Variants in MAP2K6 observed in about 807,000 individuals in gnomAD.
MAP2K6 encodes dual specificity mitogen-activated protein kinase kinase 6.
Under a neutral mutation model 53.7 loss-of-function variants are expected in MAP2K6, and 16 were observed. That is an observed-to-expected ratio of 0.30 (90% CI 0.20 to 0.45). MAP2K6 has a LOEUF of 0.45. Ranked by LOEUF, MAP2K6 falls within the 20% of genes least tolerant of loss-of-function variation. The probability of loss-of-function intolerance (pLI) is 1.00; values close to 1 mark genes in which losing one functional copy is unlikely to be tolerated. For missense variants in MAP2K6, 204 were observed against 411.9 expected, an observed-to-expected ratio of 0.50 and a Z score of 4.37; for synonymous variants, 132 against 143.1, an observed-to-expected ratio of 0.92 and a Z score of 0.55.
At chr17:69,492,203 A>G (rs1908778061) in intron 1 of MAP2K6, among the ~76,000 whole-genome samples, 3 of 152,122 alleles carry the variant, frequency 2.0e-5, no homozygotes, top group Admixed American at 1.3e-4. Context: ...TGCTTTTGGC[A>G]TCTTCATTAT....
intron 6 of MAP2K6, 87 bp from the exon 7 acceptor site, chr17:69,520,962 G>A: frequency 9.4e-7 from 1 of 1,061,566 alleles, no homozygotes; most frequent in Non-Finnish European, 1.4e-6. Context: ...GTAACCTAAA[G>A]CCAAGGATAA....
At chr17:69,454,999 C>T (rs1242481240) in intron 1 of MAP2K6, among the ~76,000 whole-genome samples, 1 of 151,508 alleles carries the variant, frequency 6.6e-6, no homozygotes, top group Non-Finnish European at 1.5e-5. Flanking sequence ...GCTTTCTTTC[C>T]TAAGCAAGAG....
At chr17:69,520,814 C>G (rs958921042) in intron 6 of MAP2K6, 10 of 435,860 alleles carry the variant, frequency 2.3e-5, no homozygotes, top group Non-Finnish European at 4.0e-5. Flanking sequence ...AGAAGGAGGA[C>G]AAATGAACAA....
At chr17:69,511,233 CT>C (rs1489701033) in intron 2 of MAP2K6, among the ~76,000 whole-genome samples, 1 of 152,126 alleles carries the variant, frequency 6.6e-6, no homozygotes, top group Non-Finnish European at 1.5e-5. Flanking sequence ...AAAAGTATCA[CT>C]TCATTATTGT....
intron 1 of MAP2K6, among the ~76,000 whole-genome samples, chr17:69,485,866 C>T (rs1908515172): frequency 6.6e-6 from 1 of 152,184 alleles, no homozygotes; most frequent in African/African-American, 2.4e-5. Flanking sequence ...AATTTCCCAT[C>T]ATTTTTTAAG....
chr17:69,521,124 G>A, intron 7 of MAP2K6, 24 bp downstream of exon 7: 1 of 1,605,344 alleles, frequency 6.2e-7, no homozygotes. Context: ...AGCTGCCTTG[G>A]CTGTTCCTTT....
Position 69,414,947 on chromosome 17 carries a change from CTT to C in MAP2K6, c.-35_-34del. The C allele has an allele frequency of 6.5e-7, 1 of 1,534,026 alleles. No homozygotes were observed. Among genetic ancestry groups the C allele is most frequent in the South Asian group, 1.1e-5 (1 of 89,262 alleles). ...CTACAGAAGAGAAGCAAGGCAAAGT[CTT>C]TTGTGCTCCCCTCCCCCATCAAAGG... On this transcript the variant is annotated 5_prime_UTR_variant, in exon 1 of 12. Coordinates refer to ENST00000590474, the MANE Select transcript of MAP2K6 (RefSeq NM_002758.4).
chr17:69,460,439 T>C (rs1352764855), intron 1 of MAP2K6, among the ~76,000 whole-genome samples: 5 of 152,112 alleles, frequency 3.3e-5, no homozygotes, highest in Non-Finnish European at 5.9e-5. Context: ...GAGATGAGGC[T>C]GGGGCAAGCA....
chr17:69,508,311 C>T (rs1909634946), intron 2 of MAP2K6, among the ~76,000 whole-genome samples: 1 of 151,994 alleles, frequency 6.6e-6, no homozygotes, highest in African/African-American at 2.4e-5. Flanking sequence ...AGATGATCCA[C>T]CTGCCTTGGC....
rs1305049792 is a variant in MAP2K6, at chr17:69,551,604, T to C, written c.*9851T>C. 6.6e-6 allele frequency: 1 copy of C among 152,232 alleles called. No individual in the cohort carries two copies. Among genetic ancestry groups the C allele is most frequent in the African/African-American group, 2.4e-5 (1 of 41,466 alleles). The allele number at this position is 152,232 out of a possible 1,614,324, so 9.4% of individuals were successfully genotyped here. A position where few individuals can be genotyped will look rare whatever the true frequency, so the allele number is the denominator to read the frequency against. On this transcript the variant is annotated 3_prime_UTR_variant, in exon 12 of 12. Coordinates refer to ENST00000590474, the MANE Select transcript of MAP2K6 (RefSeq NM_002758.4). ...CTTGGCCAATCTGCATAAAAGCCACTTGAGGAGGTTTGATTAAGAAAATTG... is the reference window on the plus strand; with the variant it reads ...CTTGGCCAATCTGCATAAAAGCCACCTGAGGAGGTTTGATTAAGAAAATTG...
chr17:69,483,182 C>G (rs894853037), intron 1 of MAP2K6, among the ~76,000 whole-genome samples: 2 of 151,874 alleles, frequency 1.3e-5, no homozygotes, highest in African/African-American at 4.8e-5. Context: ...ACAAACAGAT[C>G]TCTGTTTGTA....
intron 1 of MAP2K6, among the ~76,000 whole-genome samples, chr17:69,449,610 T>TC (rs1491174030): frequency 1.0e-4 from 8 of 80,224 alleles, no homozygotes; most frequent in East Asian, 6.5e-4. Flanking sequence ...TTTCTCTCTC[T>TC]TTTTTTTTTT....
intron 1 of MAP2K6, among the ~76,000 whole-genome samples, chr17:69,427,104 G>A (rs901706490): frequency 2.6e-5 from 4 of 152,088 alleles, no homozygotes; most frequent in African/African-American, 9.7e-5. Context: ...GCTGGGTCAG[G>A]GAATATTTTC....
At chr17:69,444,508 G>A (rs1906912450) in intron 1 of MAP2K6, among the ~76,000 whole-genome samples, 1 of 152,202 alleles carries the variant, frequency 6.6e-6, no homozygotes, top group Admixed American at 6.5e-5. Flanking sequence ...CATATCGAAG[G>A]AAGGGGTCTG....
chr17:69,486,964 T>C (rs900801642), intron 1 of MAP2K6, among the ~76,000 whole-genome samples: 1 of 152,172 alleles, frequency 6.6e-6, no homozygotes, highest in Non-Finnish European at 1.5e-5. Flanking sequence ...GGTGAAAATA[T>C]GTTGGGCAAA....
intron 1 of MAP2K6, among the ~76,000 whole-genome samples, chr17:69,481,944 T>C (rs1908364732): frequency 6.6e-6 from 1 of 152,168 alleles, no homozygotes; most frequent in Non-Finnish European, 1.5e-5. Context: ...TATATGGTAA[T>C]CCTATTTTTA....
rs534583343 is a variant in MAP2K6, at chr17:69,531,469, G to T, written c.882-4646G>T. On this transcript the variant is annotated intron_variant, in intron 10 of 11. Transcript: ENST00000590474. ...GGGAATTGACTTGGTAGCCACTCTT[G>T]TCTGGCCCATCAGTATTGATCACTG... 3.3e-5 allele frequency among the ~76,000 whole-genome samples: 5 copies of T among 152,282 alleles called. No individual in the cohort carries two copies. In the Middle Eastern group the frequency reaches 0.014, roughly 414 times the overall value.
chr17:69,510,054 A>G (rs896333172), intron 2 of MAP2K6, among the ~76,000 whole-genome samples: 1 of 152,084 alleles, frequency 6.6e-6, no homozygotes, highest in Non-Finnish European at 1.5e-5. Context: ...CATGTTGCCC[A>G]GGCTGGTCTT....
At position 69,493,300 on chromosome 17, in the gene MAP2K6, T is replaced by C. The variant is rs183920654; in HGVS notation, c.17-12480T>C. ...TAACCAAAAAGGAAAAAAAACAGTG[T>C]ATGTGTTTGTGTGTGTGTGTGTGTG... On this transcript the variant is annotated intron_variant, in intron 1 of 11. Transcript: ENST00000590474. 6.7e-4 allele frequency among the ~76,000 whole-genome samples: 69 copies of C among 103,448 alleles called. No individual in the cohort carries two copies. In the East Asian group the frequency reaches 0.014, roughly 21 times the overall value. The allele number at this position is 103,448 out of a possible 152,430, so 67.9% of individuals were successfully genotyped here. A position where few individuals can be genotyped will look rare whatever the true frequency, so the allele number is the denominator to read the frequency against.
Sources: gnomAD v4.1 joint callset for allele counts (sites outside exome capture counted in the v4.1 genomes callset) on GRCh38, gnomAD v4.1.1 for gene constraint, MANE v1.5 for transcripts, NCBI Gene and HGNC (gene_info 2026-07-23, HGNC 2026-07-21) for gene names.